The following ASF1B variants were observed in gnomAD, a reference collection of about 807,000 sequenced individuals.
ASF1B encodes histone chaperone ASF1B.
In ASF1B, 10 loss-of-function variants were observed where a neutral mutation model predicts 16.6. The ratio of observed to expected loss-of-function variants is 0.60; its 90% CI spans 0.37 to 1.02. ASF1B has a LOEUF of 1.02. Ranked by LOEUF, ASF1B falls within the 50% of genes least tolerant of loss-of-function variation. The pLI is 0.01. For synonymous variants in ASF1B, 101 were observed against 106.2 expected, an observed-to-expected ratio of 0.95 and a Z score of 0.30; for missense variants, 240 against 266.0, an observed-to-expected ratio of 0.90 and a Z score of 0.68.
At chr19:14,133,767 G>A (rs185340802) in intron 1 of ASF1B, among the ~76,000 whole-genome samples, 1 of 150,406 alleles carries the variant, frequency 6.6e-6, no homozygotes, top group East Asian at 1.9e-4. Context: ...CTTCCTAGGA[G>A]TAGAAGTACC....
intron 1 of ASF1B, 64 bp from the exon 2 acceptor site, chr19:14,126,301 T>C (rs927174485): frequency 8.5e-6 from 10 of 1,173,250 alleles, no homozygotes; most frequent in Non-Finnish European, 9.8e-6. Flanking sequence ...AGGGATAGGC[T>C]CTTGTATTTT....
intron 1 of ASF1B, among the ~76,000 whole-genome samples, chr19:14,134,841 G>T (rs1967461407): frequency 6.6e-6 from 1 of 152,006 alleles, no homozygotes. Context: ...GCCCGTCACA[G>T]CTCAGCCCAA....
At chr19:14,136,239 G>C in intron 1 of ASF1B, 109 bp downstream of exon 1, 1 of 853,628 alleles carries the variant, frequency 1.2e-6, no homozygotes, top group Non-Finnish European at 1.8e-6. Flanking sequence ...TTGGCGGAAG[G>C]GGGACGAGGG....
Position 14,119,546 on chromosome 19 carries a change from C to T in ASF1B, c.*913G>A, listed in dbSNP as rs1454438459. 6.6e-6 allele frequency: 1 copy of T among 152,642 alleles called. No individual in the cohort carries two copies. 9.5% of individuals were successfully genotyped at this position (152,642 alleles called of 1,614,324 possible). ...AAGTGCTTTTAATTTTCAGACCAAA[C>T]ATTTTTAATATAAAAACATTTTGAT... On this transcript the variant is annotated 3_prime_UTR_variant, in exon 4 of 4. Transcript: ENST00000263382.
intron 1 of ASF1B, among the ~76,000 whole-genome samples, chr19:14,130,144 C>T (rs375238120): frequency 4.0e-5 from 6 of 151,592 alleles, no homozygotes; most frequent in African/African-American, 2.4e-5. Flanking sequence ...CTGCAAGCTC[C>T]GCCTCCCGGG....
chr19:14,126,370 T>C, intron 1 of ASF1B, 133 bp from the exon 2 acceptor site: 1 of 625,774 alleles, frequency 1.6e-6, no homozygotes, highest in Admixed American at 2.9e-5. Flanking sequence ...AGTGATGCGA[T>C]CTCAGCTCAC....
intron 3 of ASF1B, chr19:14,121,196 C>T: frequency 2.4e-6 from 1 of 416,130 alleles, no homozygotes; most frequent in Non-Finnish European, 4.2e-6. Flanking sequence ...TCTGAGCTCA[C>T]TGCAGCCTCA....
intron 1 of ASF1B, 83 bp downstream of exon 1, chr19:14,136,265 T>A: frequency 8.7e-7 from 1 of 1,146,628 alleles, no homozygotes; most frequent in Non-Finnish European, 1.2e-6. Flanking sequence ...ATGGGGGAGA[T>A]CAAGTTGGCC....
At chr19:14,121,749 A>G in intron 2 of ASF1B, 41 bp from the exon 3 acceptor site, 1 of 1,540,788 alleles carries the variant, frequency 6.5e-7, no homozygotes, top group Admixed American at 1.9e-5. Context: ...TGCCACAGCC[A>G]TGCCTCGATG....
chr19:14,128,598 C>T (rs1967352522), intron 1 of ASF1B, among the ~76,000 whole-genome samples: 1 of 152,202 alleles, frequency 6.6e-6, no homozygotes, highest in Non-Finnish European at 1.5e-5. Flanking sequence ...CCTTAGCCTC[C>T]CAAGTAGCTG....
chr19:14,129,461 G>A (rs1352422955), intron 1 of ASF1B, among the ~76,000 whole-genome samples: 3 of 151,874 alleles, frequency 2.0e-5, no homozygotes, highest in Non-Finnish European at 4.4e-5. Flanking sequence ...CAGATTGCCT[G>A]AGCTCACGAG....
intron 3 of ASF1B, among the ~76,000 whole-genome samples, chr19:14,120,964 G>A (rs1387582687): frequency 6.6e-6 from 1 of 152,096 alleles, no homozygotes; most frequent in Non-Finnish European, 1.5e-5. Flanking sequence ...GGGACTACAG[G>A]TGCAAGGCAC....
intron 3 of ASF1B, among the ~76,000 whole-genome samples, chr19:14,120,924 GA>G (rs1243641169): frequency 6.6e-6 from 1 of 151,960 alleles, no homozygotes; most frequent in Non-Finnish European, 1.5e-5. Flanking sequence ...GGGTTCAAGC[GA>G]TTCTCTTGCC....
At chr19:14,125,156 G>A (rs1158568011) in intron 2 of ASF1B, among the ~76,000 whole-genome samples, 4 of 151,976 alleles carry the variant, frequency 2.6e-5, no homozygotes, top group African/African-American at 4.8e-5. Flanking sequence ...TAGTAGAGAC[G>A]GGGTTTCATC....
chr19:14,129,254 G>GA (rs369841966), intron 1 of ASF1B, among the ~76,000 whole-genome samples: 2 of 150,914 alleles, frequency 1.3e-5, no homozygotes, highest in African/African-American at 4.9e-5. Flanking sequence ...TATCTCAAAG[G>GA]AAAAAAAAGA....
intron 1 of ASF1B, among the ~76,000 whole-genome samples, chr19:14,128,459 C>T (rs1967350188): frequency 6.6e-6 from 1 of 152,064 alleles, no homozygotes; most frequent in Non-Finnish European, 1.5e-5. Context: ...TAGCCTCTTA[C>T]TATTTGCAGG....
chr19:14,134,924 A>T (rs1321578618), intron 1 of ASF1B, among the ~76,000 whole-genome samples: 3 of 99,198 alleles, frequency 3.0e-5, no homozygotes, highest in African/African-American at 4.9e-5. Flanking sequence ...CAGCTATATT[A>T]AAAAAAAAAA....
At position 14,120,275 on chromosome 19, in the gene ASF1B, A is replaced by C; in HGVS notation, c.*184T>G. The C allele has an allele frequency of 1.7e-6, 1 of 582,046 alleles. No individual in the cohort carries two copies. Among genetic ancestry groups the C allele is most frequent in the Admixed American group, 3.3e-5 (1 of 29,998 alleles). 36.1% of individuals were successfully genotyped at this position (582,046 alleles called of 1,614,324 possible). A position where few individuals can be genotyped will look rare whatever the true frequency, so the allele number is the denominator to read the frequency against. The stretch of plus-strand genomic sequence containing the variant: ...TGCTTCTTATAGGCCTGTAGAGGAA[A>C]AGCGAGATCATCCTTCTGGCCAGGA... On this transcript the variant is annotated 3_prime_UTR_variant, in exon 4 of 4. Transcript: ENST00000263382.
In ASF1B at chr19:14,121,719, C is replaced by G. The variant is rs756849972; in HGVS notation, c.226-11G>C. 6 of 1,610,858 alleles carry G rather than the reference C, an allele frequency of 3.7e-6. No individual in the cohort carries two copies. Among genetic ancestry groups the G allele is most frequent in the Non-Finnish European group, 5.1e-6 (6 of 1,178,112 alleles). On this transcript the variant is annotated splice_polypyrimidine_tract_variant and intron_variant, in intron 2 of 3. Coordinates refer to ENST00000263382, the MANE Select transcript of ASF1B (RefSeq NM_018154.3). ...GTTGGGGGCGTCGGCCTAGGGGAGA[C>G]ACATCCTAGGCCTTAGCAGTGCCAC...
Sources: gnomAD v4.1 joint callset for allele counts (sites outside exome capture counted in the v4.1 genomes callset) on GRCh38, gnomAD v4.1.1 for gene constraint, MANE v1.5 for transcripts, NCBI Gene and HGNC (gene_info 2026-07-23, HGNC 2026-07-21) for gene names.